LGR5: variants seen among roughly 807,000 people sequenced by gnomAD.
LGR5 encodes leucine rich repeat containing G protein-coupled receptor 5.
A neutral mutation model predicts 76.7 loss-of-function variants in LGR5; 54 were observed. That is an observed-to-expected ratio of 0.70 (90% CI 0.57 to 0.88). The LOEUF (loss-of-function observed/expected upper bound fraction) is 0.88, where lower values mean the gene tolerates loss of function less well. Ranked by LOEUF, LGR5 falls within the 40% of genes least tolerant of loss-of-function variation. The pLI is 0.00. For missense variants in LGR5, 1,078 were observed against 1,073.3 expected (o/e 1.00, Z -0.06); for synonymous variants, 406 against 421.9 (o/e 0.96, Z 0.46).
At chr12:71,439,528 G>C (rs1871639562), upstream of LGR5, among the ~76,000 whole-genome samples, 1 of 151,852 alleles carries the variant, frequency 6.6e-6, no homozygotes, top group Admixed American at 6.5e-5. Context: ...GAAGGGGTAA[G>C]GGTGGGGGGG....
At chr12:71,499,300 A>G (rs547699199) in intron 1 of LGR5, among the ~76,000 whole-genome samples, 111 of 152,222 alleles carry the variant, frequency 7.3e-4, no homozygotes, top group Non-Finnish European at 1.2e-3. Flanking sequence ...AGATGGAAAG[A>G]TAAGAGGTTG....
intron 4 of LGR5, among the ~76,000 whole-genome samples, chr12:71,549,165 T>C (rs1159254842): frequency 6.6e-6 from 1 of 152,264 alleles, no homozygotes; most frequent in Non-Finnish European, 1.5e-5. Flanking sequence ...AACCTTGTTG[T>C]GGAAGAACCA....
Position 71,571,381 on chromosome 12 carries a change from T to C in LGR5, c.1071-133T>C, listed in dbSNP as rs1878602927. On this transcript the variant is annotated intron_variant, in intron 11 of 17. Transcript: ENST00000266674. The stretch of plus-strand genomic sequence containing the variant: ...ATAATGGCTGTGACTACCTGCTCCA[T>C]GTCAGGGCTATGAAAATGTTCAGAG... 1.4e-5 allele frequency: 8 copies of C among 579,036 alleles called. No individual in the cohort carries two copies. The Admixed American group carries it at 2.6e-4, about 19-fold the overall frequency. The allele number at this position is 579,036 out of a possible 1,614,324, so 35.9% of individuals were successfully genotyped here.
At chr12:71,511,583 G>T (rs765551632) in intron 2 of LGR5, among the ~76,000 whole-genome samples, 2 of 152,152 alleles carry the variant, frequency 1.3e-5, no homozygotes, top group African/African-American at 2.4e-5. Context: ...GCCAGGGATT[G>T]GGAGGAGAAA....
At chr12:71,457,665 T>G (rs1044616315) in intron 1 of LGR5, among the ~76,000 whole-genome samples, 1 of 152,164 alleles carries the variant, frequency 6.6e-6, no homozygotes, top group African/African-American at 2.4e-5. Flanking sequence ...TGACTTATAA[T>G]TGGTGTCTGT....
intron 7 of LGR5, among the ~76,000 whole-genome samples, chr12:71,560,655 C>G (rs909627462): frequency 6.6e-6 from 1 of 152,058 alleles, no homozygotes; most frequent in African/African-American, 2.4e-5. Context: ...GGCTGGGCCT[C>G]GTGGCACATG....
At chr12:71,536,666 C>T (rs1876603759) in intron 4 of LGR5, among the ~76,000 whole-genome samples, 1 of 152,166 alleles carries the variant, frequency 6.6e-6, no homozygotes, top group African/African-American at 2.4e-5. Context: ...GCAAGGCAGG[C>T]AGTAGATAGA....
At chr12:71,554,357 T>A (rs1051252360) in intron 5 of LGR5, among the ~76,000 whole-genome samples, 2 of 150,916 alleles carry the variant, frequency 1.3e-5, no homozygotes, top group African/African-American at 4.9e-5. Flanking sequence ...TTCCAGCTGA[T>A]CTATCAGAAT....
chr12:71,504,480 G>T, intron 1 of LGR5, 134 bp from the exon 2 acceptor site: 1 of 763,752 alleles, frequency 1.3e-6, no homozygotes, highest in South Asian at 1.4e-5. Context: ...TTAAGATGTA[G>T]AATAGCAATT....
At chr12:71,444,689 T>C (rs1017242148) in intron 1 of LGR5, among the ~76,000 whole-genome samples, 2 of 152,144 alleles carry the variant, frequency 1.3e-5, no homozygotes, top group Non-Finnish European at 2.9e-5. Flanking sequence ...AACAACATCA[T>C]GTTTTGATAA....
At chr12:71,556,552 G>C in intron 5 of LGR5, 67 bp from the exon 6 acceptor site, 1 of 1,022,806 alleles carries the variant, frequency 9.8e-7, no homozygotes, top group Non-Finnish European at 1.5e-6. Flanking sequence ...TTGGATTTAA[G>C]CTATCAAAAT....
intron 2 of LGR5, among the ~76,000 whole-genome samples, chr12:71,505,841 A>C (rs1440215732): frequency 6.6e-6 from 1 of 152,148 alleles, no homozygotes; most frequent in African/African-American, 2.4e-5. Context: ...GATTGTATAG[A>C]AGGTTTTGTC....
chr12:71,481,541 G>A (rs1249876777), intron 1 of LGR5, among the ~76,000 whole-genome samples: 1 of 152,150 alleles, frequency 6.6e-6, no homozygotes, highest in African/African-American at 2.4e-5. Flanking sequence ...ATTGTGAATA[G>A]TGCTGCATTA....
At position 71,497,604 on chromosome 12, in the gene LGR5, G is replaced by T. The variant is rs139629153; in HGVS notation, c.213-7010G>T. The stretch of plus-strand genomic sequence containing the variant: ...GCACCTTGCCTTTTGAGATTCACAA[G>T]AAGTATATTATCTCTAGAAGTATAT... On this transcript the variant is annotated intron_variant, in intron 1 of 17. Coordinates refer to ENST00000266674, the MANE Select transcript of LGR5 (RefSeq NM_003667.4). Among the ~76,000 whole-genome samples, 987 of 152,252 alleles carry T rather than the reference G, an allele frequency of 6.5e-3. 7 individuals carry two copies. Among genetic ancestry groups the T allele is most frequent in the African/African-American group, 0.022 (916 of 41,556 alleles).
intron 1 of LGR5, among the ~76,000 whole-genome samples, chr12:71,442,895 T>C (rs1228447318): frequency 2.0e-5 from 3 of 152,220 alleles, no homozygotes; most frequent in Non-Finnish European, 4.4e-5. Context: ...ATTTTCTTAT[T>C]TGAAGGAATA....
chr12:71,439,535 G>C (rs1871641228), upstream of LGR5, among the ~76,000 whole-genome samples: 1 of 152,086 alleles, frequency 6.6e-6, no homozygotes, highest in African/African-American at 2.4e-5. Context: ...TAAGGGTGGG[G>C]GGGTCCCCTA....
chr12:71,584,902 G>A lies in LGR5; in HGVS notation c.*168G>A. On this transcript the variant is annotated 3_prime_UTR_variant, in exon 18 of 18. Transcript: ENST00000266674. The stretch of plus-strand genomic sequence containing the variant: ...GCTGAAAACCTCTTGATACTTGAGA[G>A]TGAATATAAGTCTAAATGCTGCTTT... The A allele has an allele frequency of 1.6e-6, 1 of 637,138 alleles. No individual in the cohort carries two copies. The highest frequency in any genetic ancestry group is 2.7e-6 in the Non-Finnish European group (1 of 371,870). 39.5% of individuals were successfully genotyped at this position (637,138 alleles called of 1,614,324 possible). A position where few individuals can be genotyped will look rare whatever the true frequency, so the allele number is the denominator to read the frequency against.
intron 1 of LGR5, among the ~76,000 whole-genome samples, chr12:71,493,903 G>A (rs12423163): frequency 6.7e-6 from 1 of 149,392 alleles, no homozygotes; most frequent in African/African-American, 2.5e-5. Flanking sequence ...CAAGTGGCTG[G>A]GACCACAGGC....
intron 2 of LGR5, among the ~76,000 whole-genome samples, chr12:71,512,729 C>T (rs1363595587): frequency 6.6e-6 from 1 of 151,802 alleles, no homozygotes; most frequent in African/African-American, 2.4e-5. Flanking sequence ...TGGTGAAGGA[C>T]AAAAACAGGG....
Sources: gnomAD v4.1 joint callset for allele counts (sites outside exome capture counted in the v4.1 genomes callset) on GRCh38, gnomAD v4.1.1 for gene constraint, MANE v1.5 for transcripts, NCBI Gene and HGNC (gene_info 2026-07-23, HGNC 2026-07-21) for gene names.